Variants in NLRX1 observed in about 807,000 individuals in gnomAD.
NLRX1 encodes the protein NLR family member X1, also known as NOD-like receptor X1.
NLRX1 carries 67 observed loss-of-function variants against 74.2 expected under a neutral mutation model. The ratio of observed to expected loss-of-function variants is 0.90; its 90% CI spans 0.74 to 1.11. The LOEUF (loss-of-function observed/expected upper bound fraction) is 1.11. Among genes scored for constraint, NLRX1 ranks in the 50% least tolerant of loss-of-function variants. The pLI, the probability that NLRX1 is intolerant of heterozygous loss-of-function variation, is 0.00. For synonymous variants in NLRX1, 506 were observed against 559.1 expected, an observed-to-expected ratio of 0.91 and a Z score of 1.34; for missense variants, 1,191 against 1,305.4, an observed-to-expected ratio of 0.91 and a Z score of 1.35.
chr11:119,180,283 G>A lies in NLRX1; in HGVS notation c.2262G>A (p.Lys754=). The A allele has an allele frequency of 2.5e-6, 4 of 1,575,726 alleles. No homozygotes were observed. The highest frequency in any genetic ancestry group is 3.5e-6 in the Non-Finnish European group (4 of 1,154,726). Residue 754 remains lysine, a synonymous_variant, in exon 7 of 10, where the codon AAG becomes AAA. Transcript: ENST00000409109. ...TLLPVFLRAR[K]LGLQLNSLGP... ...TGCCTGTCTTCCTGCGTGCCCGGAA[G>A]CTGGGGTGAGGACCTATCCTCATGC... is the stretch of plus-strand genomic sequence containing the variant.
Position 119,179,903 on chromosome 11 carries a change from G to A in NLRX1, c.1882G>A (p.Gly628Arg), listed in dbSNP as rs762911358. The A allele has an allele frequency of 6.2e-7, 1 of 1,611,956 alleles. No homozygotes were observed. Among genetic ancestry groups the A allele is most frequent in the Non-Finnish European group, 8.5e-7 (1 of 1,178,476 alleles). The part of the protein sequence containing the change: ...EVFELFPMFM[G>R]GLLSAHNRAV... Reference sequence around the variant, plus strand: ...CTTCGAGCTCTTCCCCATGTTCATGGGGGGGCTTCTCTCTGCCCACAACCG... The same window carrying A: ...CTTCGAGCTCTTCCCCATGTTCATGAGGGGGCTTCTCTCTGCCCACAACCG... The change falls in exon 7 of 10, where the codon GGG becomes AGG. Residue 628 changes from glycine (G) to arginine (R), a missense_variant. Coordinates refer to ENST00000409109, the MANE Select transcript of NLRX1 (RefSeq NM_001282144.2).
chr11:119,170,761 C>A (rs1948521059), intron 1 of NLRX1, among the ~76,000 whole-genome samples: 1 of 151,976 alleles, frequency 6.6e-6, no homozygotes, highest in Non-Finnish European at 1.5e-5. Flanking sequence ...TTGCTGGTGG[C>A]CAAGAAGGAA....
Position 119,183,814 on chromosome 11 carries a change from A to G in NLRX1, c.*375A>G, listed in dbSNP as rs1238880029. The G allele has an allele frequency of 3.8e-6, 3 of 780,818 alleles. No homozygotes were observed. 48.4% of individuals were successfully genotyped at this position (780,818 alleles called of 1,614,324 possible). A position where few individuals can be genotyped will look rare whatever the true frequency, so the allele number is the denominator to read the frequency against. On this transcript the variant is annotated 3_prime_UTR_variant, in exon 10 of 10. Transcript: ENST00000409109. The surrounding 1 kb of genome is among the most constrained non-coding windows in gnomAD (Gnocchi z 5.7). ...AAGGGGCTCACATCTTATGTCTGCC[A>G]TGCCAGGGGTGTCGCCATCCAGATG...
chr11:119,177,327 C>T (rs1480537885), intron 6 of NLRX1, among the ~76,000 whole-genome samples: 2 of 151,698 alleles, frequency 1.3e-5, no homozygotes, highest in Middle Eastern at 3.4e-3. Context: ...GGTGATCCAC[C>T]CACCTCAGCC....
intron 9 of NLRX1, 35 bp downstream of exon 9, chr11:119,182,380 C>T (rs755491508): frequency 6.3e-7 from 1 of 1,591,636 alleles, no homozygotes; most frequent in South Asian, 1.1e-5. Flanking sequence ...GCCCCCAGCC[C>T]TTCAGACTAC....
intron 6 of NLRX1, among the ~76,000 whole-genome samples, chr11:119,177,110 C>G (rs955472312): frequency 6.6e-6 from 1 of 151,992 alleles, no homozygotes; most frequent in Non-Finnish European, 1.5e-5. Context: ...GAGATGGAGT[C>G]TCGCTCTGTC....
At position 119,183,563 on chromosome 11, in the gene NLRX1, A is replaced by G; in HGVS notation, c.*124A>G. The G allele has an allele frequency of 2.0e-6, 2 of 991,274 alleles. No individual in the cohort carries two copies. Among genetic ancestry groups the G allele is most frequent in the South Asian group, 1.4e-5 (1 of 72,080 alleles). 61.4% of individuals were successfully genotyped at this position (991,274 alleles called of 1,614,324 possible). A position where few individuals can be genotyped will look rare whatever the true frequency, so the allele number is the denominator to read the frequency against. On this transcript the variant is annotated 3_prime_UTR_variant, in exon 10 of 10. Transcript: ENST00000409109. This position sits in a 1 kb window ranked among gnomAD's most constrained non-coding sequence, Gnocchi z 5.7. ...CAGGTCTGGAGGCAGAGGAATGGGC[A>G]TAGCTGAGCCAGTTGCCCTCCTAGG...
At chr11:119,172,322 A>C (rs1948570863) in intron 2 of NLRX1, 34 bp from the exon 3 acceptor site, 3 of 1,520,574 alleles carry the variant, frequency 2.0e-6, no homozygotes, top group East Asian at 2.3e-5. Flanking sequence ...ATTGCATGGG[A>C]TCTGCAGATG....
In NLRX1 at chr11:119,173,004, T is replaced by G; in HGVS notation, c.229+15T>G. The G allele has an allele frequency of 6.2e-7, 1 of 1,603,054 alleles. No homozygotes were observed. The highest frequency in any genetic ancestry group is 2.4e-5 in the East Asian group (1 of 42,456). ...CTCTGCAACTGGTAAAGGGACTGGC[T>G]GGGACCCTGGTCAGGGGGTGTGGTG... On this transcript the variant is annotated intron_variant, in intron 4 of 9. Transcript: ENST00000409109. The surrounding 1 kb of genome is among the most constrained non-coding windows in gnomAD (Gnocchi z 4.0).
intron 6 of NLRX1, among the ~76,000 whole-genome samples, chr11:119,176,303 A>G (rs1423637886): frequency 6.6e-6 from 1 of 152,160 alleles, no homozygotes; most frequent in African/African-American, 2.4e-5. Context: ...CCTAGAGTGC[A>G]GTGGTGCAAT....
rs1038732169 is a variant in NLRX1 at position 119,173,778 on chromosome 11, C to T, written c.529C>T (p.Arg177Cys). The part of the protein sequence containing the change: ...TVGTGKSTLV[R>C]KMVLDWCYGR... Reference sequence around the variant, plus strand: ...GGGCACAGGCAAGAGCACGCTGGTGCGCAAGATGGTTCTGGACTGGTGTTA... The same window carrying T: ...GGGCACAGGCAAGAGCACGCTGGTGTGCAAGATGGTTCTGGACTGGTGTTA... The change falls in exon 5 of 10, where the codon CGC (arginine) becomes TGC (cysteine). Residue 177 changes from arginine (R) to cysteine (C), a missense_variant. Transcript: ENST00000409109. This position sits in a 1 kb window ranked among gnomAD's most constrained non-coding sequence, Gnocchi z 4.0. The T allele has an allele frequency of 7.4e-6, 12 of 1,613,466 alleles. No homozygotes were observed. The highest frequency in any genetic ancestry group is 3.3e-5 in the South Asian group (3 of 91,086).
At position 119,173,659 on chromosome 11, in the gene NLRX1, C is replaced by A; in HGVS notation, c.410C>A (p.Pro137His). 6.2e-7 allele frequency: 1 copy of A among 1,614,106 alleles called. No individual in the cohort carries two copies. Among genetic ancestry groups the A allele is most frequent in the Non-Finnish European group, 8.5e-7 (1 of 1,180,042 alleles). Residue 137 changes from proline (P) to histidine (H), a missense_variant, in exon 5 of 10, where the codon CCC (proline) becomes CAC (histidine). Physicochemically the swap from Pro to His is moderately conservative, Grantham distance 77. Coordinates refer to ENST00000409109, the MANE Select transcript of NLRX1 (RefSeq NM_001282144.2). This position sits in a 1 kb window ranked among gnomAD's most constrained non-coding sequence, Gnocchi z 4.0. ...GAGCTGGCCCTGGAGCATCAGCCAC[C>A]CCAGGCCGGGCTCCCCCCACTGGCC... The part of the protein sequence containing the change: ...PAELALEHQP[P>H]QAGLPPLALS...
Position 119,174,864 on chromosome 11 carries a change from CT to C in NLRX1, c.1262del (p.Leu421ArgfsTer54). On this transcript the variant is annotated frameshift_variant, in exon 6 of 10. Coordinates refer to ENST00000409109, the MANE Select transcript of NLRX1 (RefSeq NM_001282144.2). LOFTEE classifies it high-confidence loss of function. ...CAGCACTGACCCCTCCAATTTGTCC[CT>C]GATGGCCTATGCAGCCCGAACCATG... ...LDSTDPSNLS[L>X]MAYAARTMGK... The C allele has an allele frequency of 6.2e-7, 1 of 1,614,106 alleles. No individual in the cohort carries two copies. Among genetic ancestry groups the C allele is most frequent in the East Asian group, 2.2e-5 (1 of 44,890 alleles).
rs761657166 is a variant in NLRX1, at chr11:119,172,951, G to A, written c.191G>A (p.Gly64Glu). Residue 64 changes from glycine (G) to glutamate (E), a missense_variant, in exon 4 of 10, where the codon GGG (glycine) becomes GAG (glutamate). By Grantham distance (98) the Gly-to-Glu change is moderately conservative. Transcript: ENST00000409109. ...GSSVDSAPPP[G>E]RHGRLFPSAS... is the part of the protein sequence containing the mutation. ...TCGGTAGATAGCGCTCCCCCACCCGGGAGGCATGGACGGCTGTTCCCCAGC... is the reference window on the plus strand; with the variant it reads ...TCGGTAGATAGCGCTCCCCCACCCGAGAGGCATGGACGGCTGTTCCCCAGC... The A allele has an allele frequency of 1.2e-6, 2 of 1,613,776 alleles. No homozygotes were observed. The highest frequency in any genetic ancestry group is 1.7e-6 in the Non-Finnish European group (2 of 1,179,936).
Position 119,174,555 on chromosome 11 carries a change from C to T in NLRX1, c.952C>T (p.Gln318Ter), listed in dbSNP as rs748859779. 9.9e-6 allele frequency: 16 copies of T among 1,614,092 alleles called. No homozygotes were observed. The highest frequency in any genetic ancestry group is 1.3e-5 in the African/African-American group (1 of 74,952). ...EICGFSDTNL[Q>*]KLYFQLRLNQ... ...CTGCGGTTTCTCTGATACCAACCTG[C>T]AGAAGCTCTACTTCCAGCTCCGCCT... The change falls in exon 6 of 10, where the codon CAG becomes TAG. Residue 318 changes from glutamine (Q) to a stop codon, truncating the protein, a stop_gained. Transcript: ENST00000409109. LOFTEE classifies it high-confidence loss of function.
At chr11:119,170,826 G>C (rs76997481) in intron 1 of NLRX1, among the ~76,000 whole-genome samples, 1 of 152,182 alleles carries the variant, frequency 6.6e-6, no homozygotes, top group African/African-American at 2.4e-5. Flanking sequence ...AAAGGTGTTC[G>C]TGAAGCTTCA....
In NLRX1 at chr11:119,179,909, C is replaced by G. The variant is rs141272571; in HGVS notation, c.1888C>G (p.Leu630Val). Residue 630 changes from leucine (L) to valine (V), a missense_variant, in exon 7 of 10, where the codon CTT becomes GTT. Physicochemically the swap from Leu to Val is conservative, Grantham distance 32. Transcript: ENST00000409109. ...GCTCTTCCCCATGTTCATGGGGGGG[C>G]TTCTCTCTGCCCACAACCGAGCTGT... ...FELFPMFMGG[L>V]LSAHNRAVLA... 9.3e-6 allele frequency: 15 copies of G among 1,611,582 alleles called. No individual in the cohort carries two copies. In the African/African-American group the frequency reaches 1.9e-4, roughly 20 times the overall value.
rs1948605414 is a variant in NLRX1 at position 119,173,502 on chromosome 11, A to C, written c.253A>C (p.Asn85His). The C allele has an allele frequency of 6.2e-7, 1 of 1,613,940 alleles. No individual in the cohort carries two copies. Among genetic ancestry groups the C allele is most frequent in the Non-Finnish European group, 8.5e-7 (1 of 1,179,978 alleles). The change falls in exon 5 of 10, where the codon AAC becomes CAC. Residue 85 changes from asparagine to histidine, a missense_variant. Asn to His is a moderately conservative substitution (Grantham distance 68). Transcript: ENST00000409109. This position sits in a 1 kb window ranked among gnomAD's most constrained non-coding sequence, Gnocchi z 4.0. ...ATEAIQRHRR[N>H]LAEWFSRLPR... ...AGAAGCTATACAGCGGCACCGCCGGAACCTGGCTGAGTGGTTCAGCCGGCT... is the reference window on the plus strand; with the variant it reads ...AGAAGCTATACAGCGGCACCGCCGGCACCTGGCTGAGTGGTTCAGCCGGCT...
chr11:119,181,260 G>A lies in NLRX1; in HGVS notation c.2354+3G>A, dbSNP rs372002465. ...CAGTGCCAAATTACCACACTGCGGT[G>A]AGTGACCTGGGAGTGGGGCATCCTG... On this transcript the variant is annotated splice_donor_region_variant and intron_variant, in intron 8 of 9. Coordinates refer to ENST00000409109, the MANE Select transcript of NLRX1 (RefSeq NM_001282144.2). The A allele has an allele frequency of 4.0e-5, 64 of 1,612,456 alleles. No individual in the cohort carries two copies. Among genetic ancestry groups the A allele is most frequent in the Non-Finnish European group, 5.1e-5 (60 of 1,178,888 alleles).
Sources: gnomAD v4.1 joint callset for allele counts (sites outside exome capture counted in the v4.1 genomes callset) on GRCh38, gnomAD v4.1.1 for gene constraint, Gnocchi (gnomAD v3.1) non-coding constraint, MANE v1.5 for transcripts, NCBI Gene and HGNC (gene_info 2026-07-23, HGNC 2026-07-21) for gene names.